Variants in STK4 observed in about 807,000 individuals in gnomAD.
STK4 encodes serine/threonine-protein kinase 4.
In STK4, 30 loss-of-function variants were observed where a neutral mutation model predicts 64.9. The ratio of observed to expected loss-of-function variants is 0.46; its 90% confidence interval spans 0.35 to 0.63. The LOEUF is 0.63. Among genes scored for constraint, STK4 ranks in the 20% least tolerant of loss-of-function variants. The pLI, the probability that STK4 is intolerant of heterozygous loss-of-function variation, is 0.01. For missense variants in STK4, 466 were observed against 598.5 expected (o/e 0.78, Z 2.31); for synonymous variants, 177 against 199.0 (o/e 0.89, Z 0.93).
chr20:45,059,168 A>G (rs1978768128), intron 10 of STK4, among the ~76,000 whole-genome samples: 1 of 152,190 alleles, frequency 6.6e-6, no homozygotes. Context: ...CGCTTATCAC[A>G]CAACTGTGGT....
intron 6 of STK4, among the ~76,000 whole-genome samples, chr20:44,996,809 A>T (rs992750609): frequency 3.9e-5 from 6 of 152,118 alleles, no homozygotes; most frequent in African/African-American, 9.7e-5. Flanking sequence ...AGAGGCAGGG[A>T]AACTTGACAA....
chr20:45,068,102 C>T (rs2145478872), intron 10 of STK4, among the ~76,000 whole-genome samples: 1 of 152,328 alleles, frequency 6.6e-6, no homozygotes, highest in East Asian at 1.9e-4. Context: ...CTCCAAACCT[C>T]ACAACCGCTG....
At chr20:45,009,722 G>A (rs1023605140) in intron 9 of STK4, among the ~76,000 whole-genome samples, 12 of 152,122 alleles carry the variant, frequency 7.9e-5, no homozygotes, top group Admixed American at 7.2e-4. Flanking sequence ...GCAGTGTTTT[G>A]TAGTTCTCCT....
intron 5 of STK4, among the ~76,000 whole-genome samples, chr20:44,993,263 CAT>C (rs1491289406): frequency 1.3e-5 from 2 of 151,308 alleles, no homozygotes; most frequent in Admixed American, 1.3e-4. Flanking sequence ...TACACACACA[CAT>C]ACATATACAC....
rs535312419 is a variant in STK4 at position 44,966,907 on chromosome 20, A to G, written c.35+304A>G. On this transcript the variant is annotated intron_variant, in intron 1 of 10. Transcript: ENST00000372806. ...CGGGCCACTCGGGGGAACGCTATCC[A>G]AGCAGGGACTCACGGAGGTGGGGGC... is the stretch of plus-strand genomic sequence containing the variant. Among the ~76,000 whole-genome samples the G allele has an allele frequency of 2.6e-5, 4 of 152,250 alleles. No individual in the cohort carries two copies. In the South Asian group the frequency reaches 6.2e-4, roughly 24 times the overall value.
chr20:45,027,107 A>T (rs2068362576), intron 10 of STK4, among the ~76,000 whole-genome samples: 1 of 152,172 alleles, frequency 6.6e-6, no homozygotes, highest in Non-Finnish European at 1.5e-5. Flanking sequence ...TTCTAAGCTT[A>T]GTTTCCTTGT....
intron 10 of STK4, among the ~76,000 whole-genome samples, chr20:45,062,233 A>C (rs991900186): frequency 6.6e-6 from 1 of 151,538 alleles, no homozygotes. Flanking sequence ...ATGGCCTCCA[A>C]CTCCATCCAT....
At chr20:45,074,926 T>G in intron 10 of STK4, 92 bp from the exon 11 acceptor site, 1 of 1,510,386 alleles carries the variant, frequency 6.6e-7, no homozygotes, top group Non-Finnish European at 9.1e-7. Context: ...CCTGTCTCCC[T>G]TCCCTCTGGG....
chr20:45,046,078 A>AGCCACCGCAC (rs2068690164), intron 10 of STK4, among the ~76,000 whole-genome samples: 3 of 152,072 alleles, frequency 2.0e-5, no homozygotes, highest in African/African-American at 4.8e-5. Flanking sequence ...AAGTGCTGGG[A>AGCCACCGCAC]TTATAGGCCT....
intron 10 of STK4, among the ~76,000 whole-genome samples, chr20:45,063,784 G>A (rs1180572916): frequency 6.8e-6 from 1 of 147,408 alleles, no homozygotes; most frequent in African/African-American, 2.5e-5. Context: ...ATATAAGGAA[G>A]GGGGGGGTCC....
intron 9 of STK4, among the ~76,000 whole-genome samples, chr20:45,004,619 G>A (rs1368699455): frequency 6.6e-6 from 1 of 151,630 alleles, no homozygotes; most frequent in African/African-American, 2.4e-5. Flanking sequence ...CTCCCATTCT[G>A]TAGGTTGTCT....
At chr20:45,023,619 C>G (rs1043839537) in intron 9 of STK4, among the ~76,000 whole-genome samples, 1 of 152,190 alleles carries the variant, frequency 6.6e-6, no homozygotes, top group Admixed American at 6.6e-5. Flanking sequence ...ATACTTCAAC[C>G]TTTGAAACAG....
At chr20:45,043,842 C>A (rs2068651426) in intron 10 of STK4, among the ~76,000 whole-genome samples, 1 of 152,142 alleles carries the variant, frequency 6.6e-6, no homozygotes, top group Non-Finnish European at 1.5e-5. Flanking sequence ...ATGTCAGCTT[C>A]TCCTCCCTCC....
intron 2 of STK4, among the ~76,000 whole-genome samples, chr20:44,976,742 C>G (rs1477674129): frequency 6.6e-6 from 1 of 152,138 alleles, no homozygotes; most frequent in Non-Finnish European, 1.5e-5. Flanking sequence ...CCAATAAAGA[C>G]ATTAAGAACT....
chr20:45,004,122 G>T (rs2067891134), intron 9 of STK4, among the ~76,000 whole-genome samples: 1 of 151,688 alleles, frequency 6.6e-6, no homozygotes, highest in Non-Finnish European at 1.5e-5. Flanking sequence ...TTGAGACGGA[G>T]TCTTGCTCTT....
intron 9 of STK4, among the ~76,000 whole-genome samples, chr20:45,011,727 ATATT>A (rs1382632424): frequency 3.5e-4 from 38 of 107,352 alleles, no homozygotes; most frequent in African/African-American, 1.1e-3. Flanking sequence ...ATATATATAT[ATATT>A]TTTTTTTTTT....
chr20:45,072,396 CT>C (rs2145486578), intron 10 of STK4, among the ~76,000 whole-genome samples: 1 of 152,334 alleles, frequency 6.6e-6, no homozygotes, highest in Admixed American at 6.5e-5. Flanking sequence ...AAAAGCAAGT[CT>C]ACCCTCCTAA....
chr20:45,022,320 A>G (rs1305641555), intron 9 of STK4, among the ~76,000 whole-genome samples: 1 of 152,220 alleles, frequency 6.6e-6, no homozygotes, highest in Non-Finnish European at 1.5e-5. Flanking sequence ...AATGTCAGGT[A>G]TAATCAGGTC....
Position 45,001,341 on chromosome 20 carries a change from G to A in STK4, c.1135G>A (p.Gly379Arg), listed in dbSNP as rs781603743. ...VINAEDEEEE[G>R]TMKRRDETMQ... The stretch of plus-strand genomic sequence containing the variant: ...CAATGCAGAGGATGAGGAAGAGGAA[G>A]GAACTATGAAAAGTAAGGCTCTGAG... Residue 379 changes from glycine (G) to arginine (R), a missense_variant, in exon 9 of 11, where the codon GGA becomes AGA. Around this residue, in one of 2 missense-constraint regions of STK4, gnomAD observed 276 missense variants for 308.9 expected, o/e 0.89. Coordinates refer to ENST00000372806, the MANE Select transcript of STK4 (RefSeq NM_006282.5). 7.8e-5 allele frequency: 125 copies of A among 1,608,610 alleles called. 5 individuals carry two copies. The South Asian group carries it at 1.3e-3, about 17-fold the overall frequency.
Sources: allele counts gnomAD v4.1 joint callset (sites outside exome capture counted in the v4.1 genomes callset), GRCh38; gene constraint gnomAD v4.1.1; regional missense constraint gnomAD v4.1.1; transcripts MANE v1.5; gene names NCBI Gene and HGNC (gene_info 2026-07-23, HGNC 2026-07-21).